Variants in GABBR2 observed in about 807,000 individuals in gnomAD.
GABBR2 encodes the protein gamma-aminobutyric acid type B receptor subunit 2.
A neutral mutation model predicts 105.6 loss-of-function variants in GABBR2; 23 were observed. The observed-to-expected ratio is 0.22, with a 90% CI of 0.16 to 0.31. The LOEUF is 0.31. Ranked by LOEUF, GABBR2 falls within the 10% of genes least tolerant of loss-of-function variation. The probability of loss-of-function intolerance (pLI) is 1.00; values close to 1 mark genes in which losing one functional copy is unlikely to be tolerated. For synonymous variants in GABBR2, 478 were observed against 499.7 expected (o/e 0.96, Z 0.58); for missense variants, 734 against 1,245.5 (o/e 0.59, Z 6.18).
At chr9:98,701,334 T>C (rs1830828111) in intron 1 of GABBR2, among the ~76,000 whole-genome samples, 1 of 152,194 alleles carries the variant, frequency 6.6e-6, no homozygotes, top group Admixed American at 6.5e-5. Flanking sequence ...GTTATGTCCG[T>C]GGGTGCCTGG....
At chr9:98,431,755 G>A (rs1038333978) in intron 7 of GABBR2, among the ~76,000 whole-genome samples, 1 of 152,032 alleles carries the variant, frequency 6.6e-6, no homozygotes, top group Non-Finnish European at 1.5e-5. Flanking sequence ...AAATGCAGTG[G>A]TGCAATCTCA....
chr9:98,706,934 A>G (rs993315869), intron 1 of GABBR2, among the ~76,000 whole-genome samples: 3 of 152,206 alleles, frequency 2.0e-5, no homozygotes, highest in Non-Finnish European at 4.4e-5. Flanking sequence ...TAGGAATGTC[A>G]TTCGGAAATG....
intron 11 of GABBR2, among the ~76,000 whole-genome samples, chr9:98,377,713 T>C (rs1305960793): frequency 6.6e-6 from 1 of 152,024 alleles, no homozygotes; most frequent in African/African-American, 2.4e-5. Flanking sequence ...ATCATCTGCT[T>C]ATTGGCTCAG....
intron 1 of GABBR2, among the ~76,000 whole-genome samples, chr9:98,652,272 T>C (rs72760665): frequency 0.077 from 11,660 of 152,244 alleles, 500 homozygotes; most frequent in African/African-American, 0.095. Context: ...ACAGAAGCCA[T>C]GGACCTTCCC....
intron 12 of GABBR2, among the ~76,000 whole-genome samples, chr9:98,371,122 G>T (rs1185160197): frequency 6.6e-6 from 1 of 152,012 alleles, no homozygotes; most frequent in Admixed American, 6.6e-5. Context: ...GCCACGGATG[G>T]TTCCTTTGAC....
At chr9:98,417,386 A>G (rs774354816) in intron 7 of GABBR2, among the ~76,000 whole-genome samples, 62 of 152,238 alleles carry the variant, frequency 4.1e-4, no homozygotes, top group Non-Finnish European at 6.6e-4. Context: ...GGAGATCAAG[A>G]TGCCCTGGAG....
intron 2 of GABBR2, among the ~76,000 whole-genome samples, chr9:98,577,615 A>G (rs1828938598): frequency 6.6e-6 from 1 of 152,206 alleles, no homozygotes; most frequent in Non-Finnish European, 1.5e-5. Context: ...CTGTGGAGCA[A>G]GTGGAAGGAG....
intron 2 of GABBR2, among the ~76,000 whole-genome samples, chr9:98,567,945 G>A (rs759238271): frequency 3.4e-4 from 52 of 152,290 alleles, no homozygotes; most frequent in Non-Finnish European, 6.2e-4. Flanking sequence ...TATACAGCAG[G>A]CGCTGCACTT....
At chr9:98,446,740 C>G (rs1465749452) in intron 7 of GABBR2, among the ~76,000 whole-genome samples, 1 of 152,136 alleles carries the variant, frequency 6.6e-6, no homozygotes, top group African/African-American at 2.4e-5. Context: ...AAAAAGGGAC[C>G]TCAGAATAGG....
At chr9:98,530,642 A>C (rs1828049201) in intron 3 of GABBR2, among the ~76,000 whole-genome samples, 1 of 152,168 alleles carries the variant, frequency 6.6e-6, no homozygotes, top group Non-Finnish European at 1.5e-5. Flanking sequence ...AAAAATAACC[A>C]GGCGCGGTGG....
At chr9:98,634,742 T>C (rs1324564402) in intron 1 of GABBR2, among the ~76,000 whole-genome samples, 1 of 152,116 alleles carries the variant, frequency 6.6e-6, no homozygotes, top group Non-Finnish European at 1.5e-5. Context: ...TGATAGACTA[T>C]ACTATCCCGA....
At chr9:98,441,452 C>T (rs1404034973) in intron 7 of GABBR2, among the ~76,000 whole-genome samples, 1 of 152,200 alleles carries the variant, frequency 6.6e-6, no homozygotes, top group East Asian at 1.9e-4. Flanking sequence ...ACTGCAACCT[C>T]CACCTCCTGG....
At chr9:98,397,177 C>T (rs939713124) in intron 8 of GABBR2, among the ~76,000 whole-genome samples, 1 of 152,218 alleles carries the variant, frequency 6.6e-6, no homozygotes, top group Admixed American at 6.5e-5. Flanking sequence ...TACTGCATGC[C>T]AGGCTCAGCT....
intron 1 of GABBR2, among the ~76,000 whole-genome samples, chr9:98,662,592 C>T (rs1249116213): frequency 1.3e-5 from 2 of 152,188 alleles, no homozygotes; most frequent in Admixed American, 1.3e-4. Context: ...ATTTCCAACC[C>T]TGACAAATCT....
chr9:98,599,308 G>C (rs1829284867), intron 1 of GABBR2, among the ~76,000 whole-genome samples: 1 of 152,152 alleles, frequency 6.6e-6, no homozygotes, highest in African/African-American at 2.4e-5. Flanking sequence ...AGCACATTTT[G>C]TTGGAATGGA....
intron 1 of GABBR2, among the ~76,000 whole-genome samples, chr9:98,664,186 C>G (rs951323676): frequency 6.6e-6 from 1 of 152,214 alleles, no homozygotes; most frequent in African/African-American, 2.4e-5. Context: ...GAAACTGTTT[C>G]TCCCACTTTC....
At chr9:98,578,519 A>G (rs960433309) in intron 1 of GABBR2, among the ~76,000 whole-genome samples, 4 of 152,116 alleles carry the variant, frequency 2.6e-5, no homozygotes, top group African/African-American at 9.7e-5. Context: ...TGGGAATGTA[A>G]GATGGTGCAG....
intron 6 of GABBR2, among the ~76,000 whole-genome samples, chr9:98,460,637 T>C (rs1826407514): frequency 6.6e-6 from 1 of 151,934 alleles, no homozygotes; most frequent in Non-Finnish European, 1.5e-5. Context: ...AAATAAGAAA[T>C]GAACATAAGA....
At chr9:98,573,200 A>G (rs1672185123) in intron 2 of GABBR2, among the ~76,000 whole-genome samples, 2 of 152,226 alleles carry the variant, frequency 1.3e-5, no homozygotes, top group Non-Finnish European at 2.9e-5. Flanking sequence ...AGATGAAGGA[A>G]GGGGTGGGGA....
Sources: allele counts gnomAD v4.1 joint callset (sites outside exome capture counted in the v4.1 genomes callset), GRCh38; gene constraint gnomAD v4.1.1; transcripts MANE v1.5; gene names NCBI Gene and HGNC (gene_info 2026-07-23, HGNC 2026-07-21).